Variants in HSPA12A observed in about 807,000 individuals in gnomAD.
HSPA12A encodes heat shock 70 kDa protein 12A.
HSPA12A carries 28 observed loss-of-function variants against 69.2 expected under a neutral mutation model. That is an observed-to-expected ratio of 0.40 (90% CI 0.30 to 0.55). HSPA12A has a LOEUF of 0.55. Ranked by LOEUF, HSPA12A falls within the 20% of genes least tolerant of loss-of-function variation. The pLI is 0.38. For synonymous variants in HSPA12A, 345 were observed against 370.5 expected (o/e 0.93, Z 0.79); for missense variants, 686 against 900.7 (o/e 0.76, Z 3.05).
intron 2 of HSPA12A, among the ~76,000 whole-genome samples, chr10:116,816,095 G>A (rs740363): frequency 0.4 from 61,106 of 152,010 alleles, 13,031 homozygotes; most frequent in Non-Finnish European, 0.48. Context: ...GCTTGGAGAA[G>A]GAAAGGAACT....
chr10:116,694,691 A>G lies in HSPA12A; in HGVS notation c.547-2224T>C, dbSNP rs146717765. 2.6e-4 allele frequency among the ~76,000 whole-genome samples: 39 copies of G among 151,550 alleles called. 2 individuals carry two copies. In the East Asian group the frequency reaches 7.6e-3, roughly 30 times the overall value. On this transcript the variant is annotated intron_variant, in intron 5 of 11. Transcript: ENST00000369209. ...ACTCAGGAGCCCCTGTGCGCTCTGC[A>G]CTCTCTGCTCCTTCACCTGCCTCGG...
At chr10:116,794,343 C>G (rs1406017465) in intron 2 of HSPA12A, among the ~76,000 whole-genome samples, 1 of 152,014 alleles carries the variant, frequency 6.6e-6, no homozygotes. Context: ...AACTTAAGGA[C>G]ATAGAAAGGT....
chr10:116,696,092 G>C (rs3010471), intron 5 of HSPA12A, among the ~76,000 whole-genome samples: 78,880 of 150,530 alleles, frequency 0.52, 21,013 homozygotes, highest in Middle Eastern at 0.65. Flanking sequence ...ATGCTGCATT[G>C]AAGGCTCCAT....
At chr10:116,707,622 A>G (rs1245441496) in intron 1 of HSPA12A, among the ~76,000 whole-genome samples, 1 of 152,216 alleles carries the variant, frequency 6.6e-6, no homozygotes, top group Non-Finnish European at 1.5e-5. Context: ...GCCAGAGGCC[A>G]GGCTCCATGA....
intron 2 of HSPA12A, among the ~76,000 whole-genome samples, chr10:116,760,944 T>C (rs1279832247): frequency 6.6e-6 from 1 of 152,126 alleles, no homozygotes; most frequent in Non-Finnish European, 1.5e-5. Context: ...CATGCAAATA[T>C]GCGCTCAACT....
chr10:116,712,428 G>A (rs1057481379), intron 1 of HSPA12A, among the ~76,000 whole-genome samples: 6 of 152,138 alleles, frequency 3.9e-5, no homozygotes, highest in Non-Finnish European at 7.3e-5. Flanking sequence ...CCCCAAACCA[G>A]GCAATTGAGG....
chr10:116,726,312 A>C (rs1179611382), intron 1 of HSPA12A, among the ~76,000 whole-genome samples: 1 of 152,094 alleles, frequency 6.6e-6, no homozygotes, highest in African/African-American at 2.4e-5. Context: ...ACCTACCAGA[A>C]GCTTCTAACA....
At position 116,761,315 on chromosome 10, in the gene HSPA12A, G is replaced by A. The variant is rs568549818; in HGVS notation, c.92-54030C>T. ...AGACTGGGCAACATGGTGAAACACCGTCTCTACTAAAAATACAAAAATTAG... is the reference window on the plus strand; with the variant it reads ...AGACTGGGCAACATGGTGAAACACCATCTCTACTAAAAATACAAAAATTAG... On this transcript the variant is annotated intron_variant, in intron 2 of 12. Coordinates refer to the HSPA12A transcript ENST00000635765. Among the ~76,000 whole-genome samples, 13 of 152,114 alleles carry A rather than the reference G, an allele frequency of 8.5e-5. No homozygotes were observed. In the East Asian group the frequency reaches 1.4e-3, roughly 16 times the overall value.
intron 1 of HSPA12A, among the ~76,000 whole-genome samples, chr10:116,734,139 G>T (rs1253117392): frequency 1.3e-5 from 2 of 152,046 alleles, no homozygotes; most frequent in African/African-American, 4.8e-5. Context: ...GGGCACAGTG[G>T]TTCACACCTG....
At chr10:116,842,010 A>G (rs1845809407) in intron 1 of HSPA12A, among the ~76,000 whole-genome samples, 1 of 152,218 alleles carries the variant, frequency 6.6e-6, no homozygotes, top group Non-Finnish European at 1.5e-5. Context: ...TATTACCATA[A>G]GATTCATAAC....
chr10:116,796,501 C>T (rs546323616), intron 2 of HSPA12A, among the ~76,000 whole-genome samples: 1 of 152,286 alleles, frequency 6.6e-6, no homozygotes, highest in Admixed American at 6.5e-5. Flanking sequence ...CTGCCCCAGG[C>T]CTGCTCCTGC....
intron 2 of HSPA12A, among the ~76,000 whole-genome samples, chr10:116,767,096 G>A (rs933857329): frequency 5.3e-5 from 8 of 152,188 alleles, no homozygotes; most frequent in Admixed American, 2.0e-4. Context: ...CTGGGGGCTA[G>A]AGCGGGGGCA....
intron 1 of HSPA12A, among the ~76,000 whole-genome samples, chr10:116,731,674 T>C (rs1374403714): frequency 3.3e-5 from 5 of 152,234 alleles, no homozygotes; most frequent in African/African-American, 9.6e-5. Flanking sequence ...CTAGAAATTC[T>C]TTACTACACA....
intron 1 of HSPA12A, among the ~76,000 whole-genome samples, chr10:116,735,744 C>T (rs1851296054): frequency 6.6e-6 from 1 of 151,920 alleles, no homozygotes; most frequent in African/African-American, 2.4e-5. Context: ...TGCCTGTAAT[C>T]TCAGCACTCT....
At chr10:116,699,535 G>A (rs1193542248) in intron 4 of HSPA12A, among the ~76,000 whole-genome samples, 1 of 152,194 alleles carries the variant, frequency 6.6e-6, no homozygotes, top group Non-Finnish European at 1.5e-5. Context: ...CCCAGGCTGG[G>A]TAATTATGCT....
At chr10:116,731,702 C>A (rs1851159843) in intron 1 of HSPA12A, among the ~76,000 whole-genome samples, 3 of 152,182 alleles carry the variant, frequency 2.0e-5, no homozygotes. Context: ...CTTCAGACAC[C>A]TGTACTGTTA....
intron 2 of HSPA12A, among the ~76,000 whole-genome samples, chr10:116,802,481 G>A (rs1361458801): frequency 1.3e-5 from 2 of 152,228 alleles, no homozygotes; most frequent in Admixed American, 1.3e-4. Context: ...CCTTCAAGGG[G>A]TCACAGTGAT....
intron 9 of HSPA12A, among the ~76,000 whole-genome samples, chr10:116,680,174 G>A (rs1001728746): frequency 3.9e-5 from 6 of 152,038 alleles, no homozygotes; most frequent in African/African-American, 1.4e-4. Context: ...ATTTTTAGTA[G>A]AGATGGGATT....
At chr10:116,813,868 A>G (rs1012016456) in intron 2 of HSPA12A, among the ~76,000 whole-genome samples, 114 of 152,156 alleles carry the variant, frequency 7.5e-4, no homozygotes, top group African/African-American at 2.7e-3. Context: ...TGGGCAACAA[A>G]GTGAGAGGGA....
Sources: allele counts gnomAD v4.1 joint callset (sites outside exome capture counted in the v4.1 genomes callset), GRCh38; gene constraint gnomAD v4.1.1; transcripts MANE v1.5; gene names NCBI Gene and HGNC (gene_info 2026-07-23, HGNC 2026-07-21).